Variants in CCDC171 observed in about 807,000 individuals in gnomAD.
CCDC171 encodes the protein coiled-coil domain-containing protein 171.
CCDC171 carries 177 observed loss-of-function variants against 168.2 expected under a neutral mutation model. The observed-to-expected ratio is 1.05, with a 90% CI of 0.93 to 1.19. The LOEUF is 1.19. Ranked by LOEUF, CCDC171 falls within the 50% of genes most tolerant of loss-of-function variation. The pLI, the probability that CCDC171 is intolerant of heterozygous loss-of-function variation, is 0.00. For missense variants in CCDC171, 1,991 were observed against 1,539.0 expected (o/e 1.29, Z -4.91); for synonymous variants, 687 against 540.8 (o/e 1.27, Z -3.75).
rs144243805 is a variant in CCDC171 at position 15,635,558 on chromosome 9, A to G, written c.822+12145A>G. On this transcript the variant is annotated intron_variant, in intron 7 of 25. Transcript: ENST00000380701. ...TCTAGCCATGCTGGCAGCTGATTAG[A>G]TGGTGCCCACCCAGACTGAGGGTAG... 5.0e-3 allele frequency among the ~76,000 whole-genome samples: 759 copies of G among 152,216 alleles called. 8 individuals carry two copies. Among genetic ancestry groups the G allele is most frequent in the African/African-American group, 0.017 (721 of 41,538 alleles).
downstream of CCDC171, among the ~76,000 whole-genome samples, chr9:15,977,758 C>T (rs1831667743): frequency 6.6e-6 from 1 of 152,110 alleles, no homozygotes; most frequent in Non-Finnish European, 1.5e-5. Context: ...CTGAAGAAGA[C>T]TCATCTGACA....
At chr9:16,104,856 C>G in the CCDC171 span, among the ~76,000 whole-genome samples, 5 of 152,038 alleles carry the variant, frequency 3.3e-5, no homozygotes, top group Non-Finnish European at 5.9e-5. Flanking sequence ...CGGGGCTCAG[C>G]AGAAGAGGCA....
intron 24 of CCDC171, chr9:15,886,840 A>G (rs960871723): frequency 6.6e-6 from 1 of 152,158 alleles, no homozygotes; most frequent in Non-Finnish European, 1.5e-5. Flanking sequence ...GTGCAACAAC[A>G]TATATGAACA....
At chr9:15,718,495 T>C (rs1470269121) in intron 11 of CCDC171, among the ~76,000 whole-genome samples, 1 of 152,172 alleles carries the variant, frequency 6.6e-6, no homozygotes, top group African/African-American at 2.4e-5. Flanking sequence ...CAGTCGCCAG[T>C]TAATGGTTAC....
At chr9:15,959,148 A>C (rs942987210) in intron 25 of CCDC171, among the ~76,000 whole-genome samples, 12 of 152,272 alleles carry the variant, frequency 7.9e-5, no homozygotes, top group African/African-American at 2.9e-4. Flanking sequence ...AATAGCTATA[A>C]TTTGCCACTG....
intron 21 of CCDC171, among the ~76,000 whole-genome samples, chr9:15,828,108 G>A (rs897199217): frequency 1.3e-5 from 2 of 152,110 alleles, no homozygotes; most frequent in African/African-American, 4.8e-5. Context: ...AAGAGATAGG[G>A]CAGGGGAATC....
Position 15,779,022 on chromosome 9 carries a change from G to A in CCDC171, c.2953G>A (p.Ala985Thr). 6.3e-7 allele frequency: 1 copy of A among 1,591,518 alleles called. No individual in the cohort carries two copies. Among genetic ancestry groups the A allele is most frequent in the Non-Finnish European group, 8.5e-7 (1 of 1,170,558 alleles). The change falls in exon 20 of 26, where the codon GCT becomes ACT. Residue 985 changes from alanine to threonine, a missense_variant. Coordinates refer to ENST00000380701, the MANE Select transcript of CCDC171 (RefSeq NM_173550.4). The stretch of plus-strand genomic sequence containing the variant: ...ACTTGGATTTACACAAAGACTGCAT[G>A]CTGCAGAAGTGGAGCGCCGCTCACT... ...QILGFTQRLHAAEVERRSLRL... is the reference protein window; with the variant it reads ...QILGFTQRLHTAEVERRSLRL...
rs570503687 is a variant in CCDC171, at chr9:15,702,303, G to C, written c.1318+6966G>C. Among the ~76,000 whole-genome samples, 12 of 152,152 alleles carry C rather than the reference G, an allele frequency of 7.9e-5. No individual in the cohort carries two copies. In the South Asian group the frequency reaches 2.3e-3, roughly 29 times the overall value. The stretch of plus-strand genomic sequence containing the variant: ...AAATCCTGTGGCCCTTAAGAATTAT[G>C]CTTTATCAACTCTGCCTGTGCCCTG... On this transcript the variant is annotated intron_variant, in intron 11 of 25. Coordinates refer to ENST00000380701, the MANE Select transcript of CCDC171 (RefSeq NM_173550.4).
intron 18 of CCDC171, among the ~76,000 whole-genome samples, chr9:15,769,823 C>G (rs528994967): frequency 6.6e-6 from 1 of 152,284 alleles, no homozygotes; most frequent in East Asian, 1.9e-4. Flanking sequence ...ATACGAAATT[C>G]TCTGTTATTT....
chr9:15,915,794 C>G (rs1824417105), intron 24 of CCDC171, among the ~76,000 whole-genome samples: 2 of 152,200 alleles, frequency 1.3e-5, no homozygotes, highest in African/African-American at 4.8e-5. Flanking sequence ...CCTTCTCTGC[C>G]TAGTTCTTTG....
intron 21 of CCDC171, among the ~76,000 whole-genome samples, chr9:15,825,692 T>C (rs1230874506): frequency 6.6e-6 from 1 of 152,034 alleles, no homozygotes; most frequent in Non-Finnish European, 1.5e-5. Flanking sequence ...CTAGGAGAGA[T>C]TTTTTTAAAG....
chr9:15,582,577 A>G (rs2041216213), intron 4 of CCDC171, among the ~76,000 whole-genome samples: 2 of 152,222 alleles, frequency 1.3e-5, no homozygotes, highest in Admixed American at 6.5e-5. Flanking sequence ...TGGCACATAT[A>G]TACACCATGG....
intron 18 of CCDC171, among the ~76,000 whole-genome samples, chr9:15,751,636 C>T (rs775590731): frequency 6.6e-6 from 1 of 152,158 alleles, no homozygotes; most frequent in Non-Finnish European, 1.5e-5. Flanking sequence ...CTTTGACAAG[C>T]CTGACAAAAA....
intron 21 of CCDC171, among the ~76,000 whole-genome samples, chr9:15,831,629 A>T (rs1237588311): frequency 6.6e-6 from 1 of 152,202 alleles, no homozygotes; most frequent in Non-Finnish European, 1.5e-5. Flanking sequence ...TGTTAAGCAC[A>T]TGTACCCGCA....
intron 25 of CCDC171, among the ~76,000 whole-genome samples, chr9:15,967,956 G>A (rs1830967751): frequency 6.6e-6 from 1 of 152,114 alleles, no homozygotes; most frequent in South Asian, 2.1e-4. Context: ...TTAGACTAAT[G>A]CTTTATTTAT....
chr9:15,703,538 C>A (rs572833530), intron 11 of CCDC171, among the ~76,000 whole-genome samples: 2 of 152,316 alleles, frequency 1.3e-5, no homozygotes, highest in Admixed American at 1.3e-4. Context: ...AGGCTTATTT[C>A]ACTTAACATA....
chr9:15,980,751 T>C (rs1337029266), intron 3 of CCDC171, among the ~76,000 whole-genome samples: 1 of 151,998 alleles, frequency 6.6e-6, no homozygotes. Flanking sequence ...GGTTTTTTTT[T>C]TTTTAATAAC....
chr9:16,044,306 C>G (rs534359410), intron 1 of CCDC171, among the ~76,000 whole-genome samples: 1 of 152,222 alleles, frequency 6.6e-6, no homozygotes, highest in African/African-American at 2.4e-5. Flanking sequence ...AAACAATGTC[C>G]CTCCCTAGCC....
chr9:15,879,789 T>G (rs1331919197), intron 24 of CCDC171, among the ~76,000 whole-genome samples: 1 of 152,140 alleles, frequency 6.6e-6, no homozygotes, highest in East Asian at 1.9e-4. Flanking sequence ...ACTATCCTCT[T>G]GCATACATTT....
Sources: gnomAD v4.1 joint callset for allele counts (sites outside exome capture counted in the v4.1 genomes callset) on GRCh38, gnomAD v4.1.1 for gene constraint, MANE v1.5 for transcripts, NCBI Gene and HGNC (gene_info 2026-07-23, HGNC 2026-07-21) for gene names.